Variants in ENTHD1 observed in about 807,000 individuals in gnomAD.
ENTHD1 encodes the protein ENTH domain-containing protein 1.
In ENTHD1, 23 loss-of-function variants were observed where a neutral mutation model predicts 39.1. That is an observed-to-expected ratio of 0.59 (90% CI 0.42 to 0.83). The LOEUF (loss-of-function observed/expected upper bound fraction) is 0.83. Ranked by LOEUF, ENTHD1 falls within the 40% of genes least tolerant of loss-of-function variation. The probability of loss-of-function intolerance (pLI) is 0.00; values close to 1 mark genes in which losing one functional copy is unlikely to be tolerated. For synonymous variants in ENTHD1, 230 were observed against 258.2 expected (o/e 0.89, Z 1.05); for missense variants, 624 against 705.4 (o/e 0.88, Z 1.31).
chr22:39,790,304 G>A (rs2065493698), intron 5 of ENTHD1, among the ~76,000 whole-genome samples: 2 of 152,160 alleles, frequency 1.3e-5, no homozygotes, highest in South Asian at 2.1e-4. Context: ...ATAATTCATG[G>A]AGGCAACAAT....
chr22:39,827,179 C>A (rs1303025339), intron 4 of ENTHD1, among the ~76,000 whole-genome samples: 1 of 151,942 alleles, frequency 6.6e-6, no homozygotes, highest in Non-Finnish European at 1.5e-5. Flanking sequence ...CCACGCCTGG[C>A]TAATTTTTTG....
At chr22:39,749,088 C>T (rs1029122676) in intron 6 of ENTHD1, among the ~76,000 whole-genome samples, 1 of 152,182 alleles carries the variant, frequency 6.6e-6, no homozygotes, top group South Asian at 2.1e-4. Context: ...CTACATGATG[C>T]TTTTGCTTAT....
intron 5 of ENTHD1, among the ~76,000 whole-genome samples, chr22:39,776,044 C>T (rs2065363137): frequency 6.6e-6 from 1 of 151,960 alleles, no homozygotes; most frequent in Non-Finnish European, 1.5e-5. Context: ...CATGCCACCA[C>T]ATCTGGTTAA....
rs769625597 is a variant in ENTHD1, at chr22:39,861,761, G to A, written c.592+4C>T. 9 of 1,503,260 alleles carry A rather than the reference G, an allele frequency of 6.0e-6. No homozygotes were observed. Among genetic ancestry groups the A allele is most frequent in the South Asian group, 4.4e-5 (3 of 68,880 alleles). 93.1% of individuals were successfully genotyped at this position (1,503,260 alleles called of 1,614,324 possible). ...CATTTTAGGCCAATGTTCATTATAC[G>A]TACTTTTATTATGTAACCTTCCAAA... On this transcript the variant is annotated splice_donor_region_variant and intron_variant, in intron 3 of 6. Coordinates refer to ENST00000325157, the MANE Select transcript of ENTHD1 (RefSeq NM_152512.4).
intron 2 of ENTHD1, among the ~76,000 whole-genome samples, chr22:39,863,604 C>T (rs998988488): frequency 2.6e-5 from 4 of 152,174 alleles, no homozygotes; most frequent in East Asian, 1.9e-4. Context: ...CCTAGAAAAA[C>T]GATAAAGGAA....
chr22:39,757,710 C>T (rs1002281511), intron 6 of ENTHD1, among the ~76,000 whole-genome samples: 2 of 151,990 alleles, frequency 1.3e-5, no homozygotes, highest in African/African-American at 4.8e-5. Context: ...AAAATAGGGA[C>T]AGGGTCTCCC....
intron 3 of ENTHD1, among the ~76,000 whole-genome samples, chr22:39,849,685 G>T (rs968287590): frequency 1.3e-5 from 2 of 151,952 alleles, no homozygotes; most frequent in Non-Finnish European, 2.9e-5. Flanking sequence ...TAAAAATTAT[G>T]TTTAATATTT....
chr22:39,792,477 A>T (rs2065512293), intron 5 of ENTHD1, among the ~76,000 whole-genome samples: 1 of 151,946 alleles, frequency 6.6e-6, no homozygotes, highest in South Asian at 2.1e-4. Flanking sequence ...TTATTTTTTA[A>T]TCTGTGATTT....
intron 5 of ENTHD1, among the ~76,000 whole-genome samples, chr22:39,814,524 G>A (rs1033784990): frequency 6.6e-6 from 1 of 152,104 alleles, no homozygotes; most frequent in Non-Finnish European, 1.5e-5. Flanking sequence ...TTATTACAAA[G>A]GTGGCGTGAT....
intron 4 of ENTHD1, among the ~76,000 whole-genome samples, chr22:39,824,313 G>C (rs966207938): frequency 7.2e-6 from 1 of 139,236 alleles, no homozygotes; most frequent in Non-Finnish European, 1.5e-5. Context: ...GGGTTCAAAC[G>C]ATTTTCCTGC....
intron 3 of ENTHD1, among the ~76,000 whole-genome samples, chr22:39,860,470 T>G (rs987638357): frequency 6.6e-6 from 1 of 152,208 alleles, no homozygotes. Context: ...ATCCCACCAC[T>G]TTTAGAAGCC....
intron 5 of ENTHD1, among the ~76,000 whole-genome samples, chr22:39,769,143 AAATT>A (rs1285328925): frequency 2.0e-5 from 3 of 152,130 alleles, no homozygotes; most frequent in Admixed American, 1.3e-4. Context: ...AAACACATAA[AAATT>A]AATAATGTAA....
intron 1 of ENTHD1, among the ~76,000 whole-genome samples, chr22:39,891,549 C>A (rs762358305): frequency 2.0e-5 from 3 of 151,556 alleles, no homozygotes; most frequent in African/African-American, 7.3e-5. Context: ...TCAAGCAATC[C>A]CCCTGCCTCA....
intron 4 of ENTHD1, among the ~76,000 whole-genome samples, chr22:39,831,996 G>A (rs2065873051): frequency 6.6e-6 from 1 of 152,000 alleles, no homozygotes; most frequent in Non-Finnish European, 1.5e-5. Flanking sequence ...GCAATGAGAG[G>A]TTCTCTAAAT....
intron 3 of ENTHD1, among the ~76,000 whole-genome samples, chr22:39,839,325 T>C (rs1444099059): frequency 6.6e-6 from 1 of 152,128 alleles, no homozygotes; most frequent in African/African-American, 2.4e-5. Context: ...CGTTCTTGAA[T>C]TAATTAATTT....
intron 5 of ENTHD1, among the ~76,000 whole-genome samples, chr22:39,816,004 TA>T (rs2065730833): frequency 6.6e-6 from 1 of 152,106 alleles, no homozygotes; most frequent in Non-Finnish European, 1.5e-5. Context: ...GAGGTGAGGA[TA>T]GGGGCAAGTC....
chr22:39,745,907 T>C (rs1176461062), intron 6 of ENTHD1, among the ~76,000 whole-genome samples: 1 of 152,228 alleles, frequency 6.6e-6, no homozygotes, highest in Non-Finnish European at 1.5e-5. Flanking sequence ...ATTCGAATTC[T>C]TATTCATTGC....
chr22:39,846,361 C>A (rs919788113), intron 3 of ENTHD1, among the ~76,000 whole-genome samples: 2 of 152,174 alleles, frequency 1.3e-5, no homozygotes, highest in African/African-American at 4.8e-5. Flanking sequence ...CCACCATGTC[C>A]AGCTAATTTG....
chr22:39,745,081 G>GTT (rs1435625978), intron 6 of ENTHD1, among the ~76,000 whole-genome samples: 2 of 152,196 alleles, frequency 1.3e-5, no homozygotes, highest in African/African-American at 4.8e-5. Context: ...CACCTGGGCA[G>GTT]TTGCATACTG....
Sources: allele counts gnomAD v4.1 joint callset (sites outside exome capture counted in the v4.1 genomes callset), GRCh38; gene constraint gnomAD v4.1.1; transcripts MANE v1.5; gene names NCBI Gene and HGNC (gene_info 2026-07-23, HGNC 2026-07-21).